CA13: variants seen among roughly 807,000 people sequenced by gnomAD.
CA13 encodes CA-XIII.
Under a neutral mutation model 31.5 loss-of-function variants are expected in CA13, and 21 were observed. The observed-to-expected ratio is 0.67, with a 90% CI of 0.47 to 0.96. The LOEUF is 0.96. Among genes scored for constraint, CA13 ranks in the 40% least tolerant of loss-of-function variants. The pLI is 0.00. For missense variants in CA13, 315 were observed against 318.9 expected (o/e 0.99, Z 0.09); for synonymous variants, 117 against 111.4 (o/e 1.05, Z -0.32).
chr8:85,277,785 A>T (rs1807635721), intron 6 of CA13, among the ~76,000 whole-genome samples: 1 of 152,110 alleles, frequency 6.6e-6, no homozygotes, highest in African/African-American at 2.4e-5. Flanking sequence ...GTTCTCTGTA[A>T]ACAGGAAGTG....
At position 85,281,385 on chromosome 8, in the gene CA13, T is replaced by C; in HGVS notation, c.*36T>C. On this transcript the variant is annotated 3_prime_UTR_variant, in exon 7 of 7. Transcript: ENST00000321764. ...CAATGAACTCCCCCAAACATGGCTG[T>C]GGAGAGACAACAAAACAAAACAAAG... is the stretch of plus-strand genomic sequence containing the variant. 6.2e-7 allele frequency: 1 copy of C among 1,607,330 alleles called. No individual in the cohort carries two copies. Among genetic ancestry groups the C allele is most frequent in the Non-Finnish European group, 8.5e-7 (1 of 1,175,216 alleles).
intron 2 of CA13, among the ~76,000 whole-genome samples, chr8:85,258,919 C>G (rs543507928): frequency 6.6e-6 from 1 of 151,546 alleles, no homozygotes; most frequent in East Asian, 1.9e-4. Context: ...AGGGCGAGAC[C>G]TTGTCTCAAG....
chr8:85,277,310 G>A (rs2132590), intron 6 of CA13, among the ~76,000 whole-genome samples: 61,602 of 151,638 alleles, frequency 0.41, 15,451 homozygotes, highest in Non-Finnish European at 0.53. Context: ...CGAACCCACC[G>A]GGAGGAGCGA....
chr8:85,246,004 TC>T (rs1169397899), intron 1 of CA13, 139 bp downstream of exon 1: 30 of 941,430 alleles, frequency 3.2e-5, no homozygotes, highest in South Asian at 4.1e-5. Flanking sequence ...TAAGCAGCAC[TC>T]CTGGGAGCCC....
chr8:85,256,043 A>AG (rs1807289742), intron 2 of CA13, among the ~76,000 whole-genome samples: 1 of 152,190 alleles, frequency 6.6e-6, no homozygotes, highest in Non-Finnish European at 1.5e-5. Context: ...CAAAAAAAAA[A>AG]AAAAAACTTG....
rs1254757982 is a variant in CA13, at chr8:85,282,027, G to A, written c.*678G>A. The A allele has an allele frequency of 1.3e-5, 2 of 152,186 alleles. No homozygotes were observed. Among genetic ancestry groups the A allele is most frequent in the Non-Finnish European group, 2.9e-5 (2 of 68,032 alleles). 9.4% of individuals were successfully genotyped at this position (152,186 alleles called of 1,614,324 possible). A position where few individuals can be genotyped will look rare whatever the true frequency, so the allele number is the denominator to read the frequency against. The stretch of plus-strand genomic sequence containing the variant: ...TCACAGCTCTCAGTGATGTTAGATG[G>A]AAACTTATATCTCAAATGATAGGAT... On this transcript the variant is annotated 3_prime_UTR_variant, in exon 7 of 7. Coordinates refer to ENST00000321764, the MANE Select transcript of CA13 (RefSeq NM_198584.3).
chr8:85,259,631 C>A, intron 3 of CA13, 92 bp downstream of exon 3: 1 of 971,726 alleles, frequency 1.0e-6, no homozygotes, highest in Non-Finnish European at 1.6e-6. Context: ...CAAATAGATC[C>A]TGAGCCAATT....
intron 2 of CA13, among the ~76,000 whole-genome samples, chr8:85,253,620 A>G (rs1380106734): frequency 6.6e-6 from 1 of 152,196 alleles, no homozygotes; most frequent in African/African-American, 2.4e-5. Flanking sequence ...GGTATTTTCA[A>G]CTTTTCGGAG....
intron 3 of CA13, among the ~76,000 whole-genome samples, chr8:85,263,706 T>A (rs1208662465): frequency 6.6e-6 from 1 of 152,122 alleles, no homozygotes; most frequent in East Asian, 1.9e-4. Context: ...AGAGAGGAAT[T>A]CACTCTCTGT....
At chr8:85,257,441 G>C (rs557529620) in intron 2 of CA13, among the ~76,000 whole-genome samples, 1 of 152,000 alleles carries the variant, frequency 6.6e-6, no homozygotes, top group African/African-American at 2.4e-5. Context: ...CAAATTTAAG[G>C]CTGGTGTGGT....
intron 5 of CA13, among the ~76,000 whole-genome samples, chr8:85,268,268 A>G (rs901154544): frequency 1.3e-5 from 2 of 152,238 alleles, no homozygotes; most frequent in Non-Finnish European, 2.9e-5. Flanking sequence ...CTTCTTAAAT[A>G]AATCTATGAT....
chr8:85,279,263 T>C (rs942947993), intron 6 of CA13, among the ~76,000 whole-genome samples: 8 of 152,132 alleles, frequency 5.3e-5, no homozygotes, highest in African/African-American at 1.7e-4. Flanking sequence ...AGGAGCAGCT[T>C]TGCTGCTTGA....
chr8:85,277,479 G>C (rs1807630378), intron 6 of CA13, among the ~76,000 whole-genome samples: 1 of 152,128 alleles, frequency 6.6e-6, no homozygotes, highest in Admixed American at 6.5e-5. Context: ...CTGCGTTTAA[G>C]TACTGTAACA....
intron 5 of CA13, 55 bp from the exon 6 acceptor site, chr8:85,268,417 G>C: frequency 6.7e-7 from 1 of 1,503,348 alleles, no homozygotes; most frequent in Non-Finnish European, 9.2e-7. Context: ...TGTTTTTTGA[G>C]GTCTATGTAG....
At chr8:85,277,309 C>A (rs923979037) in intron 6 of CA13, among the ~76,000 whole-genome samples, 3 of 152,104 alleles carry the variant, frequency 2.0e-5, no homozygotes, top group African/African-American at 7.2e-5. Flanking sequence ...ACGAACCCAC[C>A]GGGAGGAGCG....
At chr8:85,266,946 C>A (rs1315762852) in intron 4 of CA13, among the ~76,000 whole-genome samples, 1 of 152,130 alleles carries the variant, frequency 6.6e-6, no homozygotes, top group Non-Finnish European at 1.5e-5. Flanking sequence ...AGAATAGTAG[C>A]AGAAATAACA....
intron 6 of CA13, among the ~76,000 whole-genome samples, chr8:85,277,625 C>G (rs966315121): frequency 6.6e-6 from 1 of 152,164 alleles, no homozygotes; most frequent in Non-Finnish European, 1.5e-5. Context: ...CCAGATGCAA[C>G]GCTCTTGTAT....
At chr8:85,249,753 G>A in intron 1 of CA13, 1 of 366,480 alleles carries the variant, frequency 2.7e-6, no homozygotes, top group Non-Finnish European at 5.4e-6. Flanking sequence ...ATAAATTTCA[G>A]GAATAGTAGA....
rs1223785312 is a variant in CA13 at position 85,250,857 on chromosome 8, A to G, written c.155A>G (p.Tyr52Cys). Residue 52 changes from tyrosine (Y) to cysteine (C), a missense_variant, in exon 2 of 7, where the codon TAT becomes TGT. Tyr to Cys is a radical substitution (Grantham distance 194, BLOSUM62 -2). Coordinates refer to ENST00000321764, the MANE Select transcript of CA13 (RefSeq NM_198584.3). ...DSSLRPLSIK[Y>C]DPSSAKIISN... ...TCCCTCCGACCACTTAGTATCAAGT[A>G]TGACCCAAGCTCAGCTAAAATCATC... The G allele has an allele frequency of 6.2e-6, 10 of 1,614,020 alleles. No individual in the cohort carries two copies. The highest frequency in any genetic ancestry group is 1.3e-5 in the African/African-American group (1 of 74,918).
Sources: gnomAD v4.1 joint callset for allele counts (sites outside exome capture counted in the v4.1 genomes callset) on GRCh38, gnomAD v4.1.1 for gene constraint, MANE v1.5 for transcripts, NCBI Gene and HGNC (gene_info 2026-07-23, HGNC 2026-07-21) for gene names.